Variants in CTDP1 observed in about 807,000 individuals in gnomAD.
The protein encoded by CTDP1 is RNA polymerase II subunit A C-terminal domain phosphatase.
In CTDP1, 47 loss-of-function variants were observed where a neutral mutation model predicts 91.8. That is an observed-to-expected ratio of 0.51 (90% CI 0.41 to 0.65). The LOEUF is 0.65. Among genes scored for constraint, CTDP1 ranks in the 30% least tolerant of loss-of-function variants. The probability of loss-of-function intolerance (pLI) is 0.00; values close to 1 mark genes in which losing one functional copy is unlikely to be tolerated. For missense variants in CTDP1, 1,272 were observed against 1,373.7 expected (o/e 0.93, Z 1.17); for synonymous variants, 656 against 598.5 (o/e 1.10, Z -1.40).
At chr18:79,742,611 T>C (rs2086802649) in intron 12 of CTDP1, among the ~76,000 whole-genome samples, 2 of 152,258 alleles carry the variant, frequency 1.3e-5, no homozygotes, top group Admixed American at 1.3e-4. Context: ...AGCGTGTTGC[T>C]TCTCCTTTAT....
chr18:79,689,913 G>C (rs2085585307), intron 1 of CTDP1, among the ~76,000 whole-genome samples: 1 of 152,212 alleles, frequency 6.6e-6, no homozygotes, highest in Non-Finnish European at 1.5e-5. Context: ...CCGTGGTGCT[G>C]GTTCCCGGCG....
intron 1 of CTDP1, chr18:79,682,899 C>T (rs1284475619): frequency 6.6e-6 from 1 of 152,264 alleles, no homozygotes; most frequent in Non-Finnish European, 1.5e-5. Context: ...GAGTTTAGTT[C>T]TCATCCCTGC....
intron 1 of CTDP1, among the ~76,000 whole-genome samples, chr18:79,684,093 G>T (rs558498880): frequency 1.3e-5 from 2 of 152,242 alleles, no homozygotes; most frequent in African/African-American, 4.8e-5. Context: ...AAGCTCAAGC[G>T]TCGCTTGTGT....
At chr18:79,688,619 C>G (rs1274116338) in intron 1 of CTDP1, among the ~76,000 whole-genome samples, 1 of 152,098 alleles carries the variant, frequency 6.6e-6, no homozygotes, top group Non-Finnish European at 1.5e-5. Flanking sequence ...AGGCTCATCT[C>G]GAACTCCTGA....
chr18:79,716,423 C>A (rs2086209727), intron 8 of CTDP1, among the ~76,000 whole-genome samples: 1 of 152,224 alleles, frequency 6.6e-6, no homozygotes. Context: ...TGGAAGGTTC[C>A]ATCTCAGTGT....
intron 12 of CTDP1, among the ~76,000 whole-genome samples, chr18:79,740,428 T>G (rs1398663877): frequency 6.6e-6 from 1 of 152,248 alleles, no homozygotes; most frequent in Non-Finnish European, 1.5e-5. Context: ...TTTTATTTCA[T>G]TCCTGTTTAT....
chr18:79,721,659 G>A (rs146962977), intron 10 of CTDP1, among the ~76,000 whole-genome samples: 430 of 152,158 alleles, frequency 2.8e-3, no homozygotes, highest in Middle Eastern at 0.01. Context: ...AGGTGGACCC[G>A]CAAGGATCTC....
chr18:79,681,569 A>G (rs969213490), intron 1 of CTDP1: 1 of 895,112 alleles, frequency 1.1e-6, no homozygotes, highest in Non-Finnish European at 1.3e-6. Flanking sequence ...ATGTTCAGTC[A>G]GTCTAGTGAA....
At chr18:79,688,159 G>C (rs1350175178) in intron 1 of CTDP1, among the ~76,000 whole-genome samples, 1 of 152,264 alleles carries the variant, frequency 6.6e-6, no homozygotes, top group Non-Finnish European at 1.5e-5. Flanking sequence ...ACCAGGTGCA[G>C]AGCGTCAGCC....
At chr18:79,738,104 G>A (rs535426279) in intron 12 of CTDP1, among the ~76,000 whole-genome samples, 1 of 151,634 alleles carries the variant, frequency 6.6e-6, no homozygotes, top group South Asian at 2.1e-4. Flanking sequence ...CATTTTGGTG[G>A]AGTACATCTC....
At chr18:79,696,170 TCA>T in intron 3 of CTDP1, 100 bp downstream of exon 3, 1 of 1,032,114 alleles carries the variant, frequency 9.7e-7, no homozygotes, top group Non-Finnish European at 1.5e-6. Context: ...CGTGTGGTTG[TCA>T]TCGTCGTTAC....
Position 79,679,977 on chromosome 18 carries a change from T to C in CTDP1, c.30T>C (p.Pro10=). MEVPAAGRV[P]AEGAPTAAVA... ...AGGTGCCGGCCGCGGGTCGCGTTCC[T>C]GCCGAGGGCGCCCCGACGGCGGCTG... Residue 10 remains proline (P), a synonymous_variant, in exon 1 of 13, where the codon CCT becomes CCC. Transcript: ENST00000613122. The C allele has an allele frequency of 7.4e-7, 1 of 1,358,844 alleles. No individual in the cohort carries two copies. The allele number at this position is 1,358,844 out of a possible 1,614,324, so 84.2% of individuals were successfully genotyped here.
At chr18:79,688,108 G>A (rs1006138435) in intron 1 of CTDP1, among the ~76,000 whole-genome samples, 5 of 152,232 alleles carry the variant, frequency 3.3e-5, no homozygotes, top group African/African-American at 9.6e-5. Context: ...CCACCTGTGC[G>A]TGTTCTCCAG....
chr18:79,698,874 G>A (rs1024257797), intron 4 of CTDP1, among the ~76,000 whole-genome samples: 4 of 152,162 alleles, frequency 2.6e-5, no homozygotes, highest in African/African-American at 9.7e-5. Flanking sequence ...CCGGGGCGTG[G>A]TACCAACAGC....
intron 12 of CTDP1, among the ~76,000 whole-genome samples, chr18:79,742,691 C>G (rs1266952681): frequency 1.3e-5 from 2 of 152,236 alleles, no homozygotes; most frequent in Non-Finnish European, 2.9e-5. Flanking sequence ...GTGGCTGTGG[C>G]TCACGCCTGT....
At chr18:79,734,633 C>T (rs933611573) in intron 11 of CTDP1, among the ~76,000 whole-genome samples, 8 of 152,138 alleles carry the variant, frequency 5.3e-5, no homozygotes, top group South Asian at 2.1e-4. Flanking sequence ...CTGGCCGGCC[C>T]GCCTGCCCTT....
intron 12 of CTDP1, among the ~76,000 whole-genome samples, chr18:79,739,026 A>G (rs554008553): frequency 6.6e-6 from 1 of 152,286 alleles, no homozygotes; most frequent in South Asian, 2.1e-4. Context: ...GGCCTGGGGA[A>G]GGCGGTGCAC....
At position 79,713,040 on chromosome 18, in the gene CTDP1, C is replaced by T; in HGVS notation, c.932C>T (p.Ala311Val). 2 of 1,614,072 alleles carry T rather than the reference C, an allele frequency of 1.2e-6. No homozygotes were observed. The highest frequency in any genetic ancestry group is 8.5e-7 in the Non-Finnish European group (1 of 1,179,994). ...GATCGAGAAGATGTCTGGAAGTTTG[C>T]CCCCAATCTGATAACTGTGAAGAAA... is the stretch of plus-strand genomic sequence containing the variant. ...IDDREDVWKF[A>V]PNLITVKKYV... Residue 311 changes from alanine (A) to valine (V), a missense_variant, in exon 7 of 13, where the codon GCC (alanine) becomes GTC (valine). By Grantham distance (64) the Ala-to-Val change is moderately conservative (BLOSUM62 0). Coordinates refer to ENST00000613122, the MANE Select transcript of CTDP1 (RefSeq NM_004715.5). The surrounding 1 kb of genome is among the most constrained non-coding windows in gnomAD (Gnocchi z 4.7).
chr18:79,704,277 C>T (rs1372104151), intron 4 of CTDP1, among the ~76,000 whole-genome samples: 3 of 152,104 alleles, frequency 2.0e-5, no homozygotes, highest in Admixed American at 1.3e-4. Flanking sequence ...CTCTGTCCCA[C>T]GTGGAGAGGT....
Sources: gnomAD v4.1 joint callset for allele counts (sites outside exome capture counted in the v4.1 genomes callset) on GRCh38, gnomAD v4.1.1 for gene constraint, Gnocchi (gnomAD v3.1) non-coding constraint, MANE v1.5 for transcripts, NCBI Gene and HGNC (gene_info 2026-07-23, HGNC 2026-07-21) for gene names.